Variants in ERG observed in about 807,000 individuals in gnomAD.
ERG encodes ETS transcription factor ERG.
ERG carries 9 observed loss-of-function variants against 55.3 expected under a neutral mutation model. The observed-to-expected ratio is 0.16, with a 90% CI of 0.10 to 0.28. The LOEUF (loss-of-function observed/expected upper bound fraction) is 0.28, where lower values mean the gene tolerates loss of function less well. Ranked by LOEUF, ERG falls within the 10% of genes least tolerant of loss-of-function variation. ERG has a pLI of 1.00. For missense variants in ERG, 434 were observed against 631.6 expected (o/e 0.69, Z 3.35); for synonymous variants, 223 against 237.3 (o/e 0.94, Z 0.55).
intron 1 of ERG, among the ~76,000 whole-genome samples, chr21:38,492,763 C>T (rs113077023): frequency 1.3e-5 from 2 of 151,754 alleles, no homozygotes; most frequent in Non-Finnish European, 2.9e-5. Flanking sequence ...TGGCCAAGCT[C>T]AGTAGGGGAA....
chr21:38,630,748 C>G (rs2060351903), intron 1 of ERG, among the ~76,000 whole-genome samples: 1 of 152,200 alleles, frequency 6.6e-6, no homozygotes, highest in Non-Finnish European at 1.5e-5. Flanking sequence ...GACTGCACAC[C>G]TTTATGTTTT....
chr21:38,623,296 CCA>C (rs2060305031), intron 1 of ERG, among the ~76,000 whole-genome samples: 1 of 139,570 alleles, frequency 7.2e-6, no homozygotes, highest in Admixed American at 7.3e-5. Flanking sequence ...AACACTCCAC[CCA>C]CACACCACAC....
chr21:38,410,269 T>C (rs1315852523), intron 3 of ERG, among the ~76,000 whole-genome samples: 2 of 152,262 alleles, frequency 1.3e-5, no homozygotes, highest in Non-Finnish European at 2.9e-5. Context: ...GAGATGCTTC[T>C]GTCAGATGAA....
chr21:38,510,317 T>A (rs1429812012), intron 2 of ERG, among the ~76,000 whole-genome samples: 2 of 152,226 alleles, frequency 1.3e-5, no homozygotes, highest in African/African-American at 4.8e-5. Flanking sequence ...CCACATTACT[T>A]AAAGCTGTTC....
intron 2 of ERG, among the ~76,000 whole-genome samples, chr21:38,525,562 A>G (rs775539110): frequency 6.6e-6 from 1 of 152,136 alleles, no homozygotes; most frequent in Non-Finnish European, 1.5e-5. Flanking sequence ...GAGCCAAGAC[A>G]CAGAGTTGCT....
At chr21:38,585,858 A>G (rs2060060866), upstream of ERG, among the ~76,000 whole-genome samples, 1 of 151,726 alleles carries the variant, frequency 6.6e-6, no homozygotes, top group African/African-American at 2.4e-5. Flanking sequence ...TGTCACAGAA[A>G]AGCATTTGTT....
chr21:38,497,246 C>G (rs2146690319), intron 1 of ERG, among the ~76,000 whole-genome samples: 1 of 152,256 alleles, frequency 6.6e-6, no homozygotes, highest in Non-Finnish European at 1.5e-5. Context: ...AATACCAAAC[C>G]AAAGAGTATT....
At chr21:38,650,568 C>T (rs1204154860) in intron 1 of ERG, among the ~76,000 whole-genome samples, 4 of 152,026 alleles carry the variant, frequency 2.6e-5, no homozygotes, top group African/African-American at 7.2e-5. Context: ...ACCCAGGAGG[C>T]GGACGTTGCA....
chr21:38,501,061 CTTTTTTTTTTTT>C (rs34639260), upstream of ERG, among the ~76,000 whole-genome samples: 4 of 81,186 alleles, frequency 4.9e-5, no homozygotes, highest in Admixed American at 4.6e-4. Context: ...CAAGGCACAT[CTTTTTTTTTTTT>C]TTTTTTTTTT....
intron 6 of ERG, among the ~76,000 whole-genome samples, chr21:38,394,727 T>C (rs1988129641): frequency 6.6e-6 from 1 of 152,172 alleles, no homozygotes; most frequent in African/African-American, 2.4e-5. Flanking sequence ...CTCTAGACCA[T>C]TGCTCTTTTC....
intron 1 of ERG, among the ~76,000 whole-genome samples, chr21:38,645,861 T>C (rs2060452778): frequency 6.6e-6 from 1 of 152,184 alleles, no homozygotes; most frequent in Admixed American, 6.5e-5. Context: ...TTAATGCAGG[T>C]ACCACTCTGA....
At chr21:38,511,170 CAATA>C (rs2059508586) in intron 2 of ERG, among the ~76,000 whole-genome samples, 1 of 152,146 alleles carries the variant, frequency 6.6e-6, no homozygotes, top group Admixed American at 6.5e-5. Flanking sequence ...AGAACAAAAT[CAATA>C]GATATAGGAA....
At chr21:38,438,606 C>T (rs560008152) in intron 2 of ERG, among the ~76,000 whole-genome samples, 12 of 152,250 alleles carry the variant, frequency 7.9e-5, no homozygotes, top group Admixed American at 7.8e-4. Flanking sequence ...TGAATCTATC[C>T]CAGAGAGAGG....
At chr21:38,541,556 G>A (rs1259131212) in intron 2 of ERG, among the ~76,000 whole-genome samples, 1 of 152,006 alleles carries the variant, frequency 6.6e-6, no homozygotes, top group African/African-American at 2.4e-5. Context: ...ATCATAACAG[G>A]AATCTTAAGG....
chr21:38,496,749 C>A (rs570740499), intron 1 of ERG, among the ~76,000 whole-genome samples: 1 of 152,218 alleles, frequency 6.6e-6, no homozygotes, highest in East Asian at 1.9e-4. Flanking sequence ...TAAATGTATA[C>A]TTCAAATTAA....
At chr21:38,535,764 C>T (rs1399881701) in intron 2 of ERG, among the ~76,000 whole-genome samples, 2 of 152,168 alleles carry the variant, frequency 1.3e-5, no homozygotes, top group African/African-American at 2.4e-5. Context: ...TAATATTTTG[C>T]CATGTTGATC....
At chr21:38,423,621 C>T in intron 2 of ERG, 60 bp from the exon 3 acceptor site, 4 of 1,521,580 alleles carry the variant, frequency 2.6e-6, no homozygotes, top group Non-Finnish European at 3.6e-6. Context: ...TCTCCATCGA[C>T]TTCTCACAAT....
intron 3 of ERG, among the ~76,000 whole-genome samples, chr21:38,411,571 G>A (rs773596196): frequency 1.3e-5 from 2 of 152,204 alleles, no homozygotes; most frequent in Admixed American, 1.3e-4. Context: ...GCCTCCCAAA[G>A]TGCTGGGATT....
intron 1 of ERG, among the ~76,000 whole-genome samples, chr21:38,484,310 T>C (rs772747351): frequency 3.9e-5 from 6 of 152,230 alleles, no homozygotes; most frequent in Middle Eastern, 6.8e-3. Context: ...AATATGATAA[T>C]TCAATAGATC....
Sources: allele counts gnomAD v4.1 joint callset (sites outside exome capture counted in the v4.1 genomes callset), GRCh38; gene constraint gnomAD v4.1.1; transcripts MANE v1.5; gene names NCBI Gene and HGNC (gene_info 2026-07-23, HGNC 2026-07-21).